HHAT: variants seen among roughly 807,000 people sequenced by gnomAD.
The protein encoded by HHAT is protein-cysteine N-palmitoyltransferase HHAT.
A neutral mutation model predicts 70.8 loss-of-function variants in HHAT; 47 were observed. The observed-to-expected ratio is 0.66, with a 90% CI of 0.53 to 0.85. The LOEUF (loss-of-function observed/expected upper bound fraction) is 0.85, where lower values mean the gene tolerates loss of function less well. HHAT is among the 40% of genes least tolerant of loss of function. The probability of loss-of-function intolerance (pLI) is 0.00; values close to 1 mark genes in which losing one functional copy is unlikely to be tolerated. For synonymous variants in HHAT, 228 were observed against 247.6 expected (o/e 0.92, Z 0.74); for missense variants, 609 against 604.8 (o/e 1.01, Z -0.07).
chr1:210,381,720 A>C, intron 3 of HHAT, among the ~76,000 whole-genome samples: 1 of 152,212 alleles, frequency 6.6e-6, no homozygotes, highest in East Asian at 1.9e-4. Flanking sequence ...CCATCTCACT[A>C]GGAGATAAAC....
At chr1:210,634,653 T>G (rs1396740754) in intron 11 of HHAT, among the ~76,000 whole-genome samples, 2 of 152,254 alleles carry the variant, frequency 1.3e-5, no homozygotes, top group African/African-American at 4.8e-5. Flanking sequence ...TTAACAAAAT[T>G]GTTCCTGATC....
At chr1:210,384,298 T>G (rs2090877108) in intron 3 of HHAT, among the ~76,000 whole-genome samples, 1 of 152,186 alleles carries the variant, frequency 6.6e-6, no homozygotes, top group Non-Finnish European at 1.5e-5. Context: ...GGAGGATGAC[T>G]GCTCTGTTGG....
chr1:210,528,112 C>G (rs1292055131), intron 9 of HHAT, among the ~76,000 whole-genome samples: 1 of 152,118 alleles, frequency 6.6e-6, no homozygotes. Flanking sequence ...AGGTGTTCAT[C>G]AGGTGATCAT....
chr1:210,618,791 A>T (rs1668265319), intron 10 of HHAT, among the ~76,000 whole-genome samples: 1 of 152,192 alleles, frequency 6.6e-6, no homozygotes, highest in African/African-American at 2.4e-5. Flanking sequence ...TGTGATTTCC[A>T]GGGAAAGGAT....
intron 9 of HHAT, among the ~76,000 whole-genome samples, chr1:210,567,136 G>A (rs1449089538): frequency 6.6e-6 from 1 of 152,196 alleles, no homozygotes; most frequent in Non-Finnish European, 1.5e-5. Flanking sequence ...CATCCTGTGA[G>A]GGGTGTCAGG....
intron 6 of HHAT, among the ~76,000 whole-genome samples, chr1:210,412,981 G>A (rs1243837120): frequency 6.6e-6 from 1 of 152,238 alleles, no homozygotes; most frequent in Non-Finnish European, 1.5e-5. Flanking sequence ...GACGGGGAGT[G>A]GGGAGCAGAG....
intron 1 of HHAT, among the ~76,000 whole-genome samples, chr1:210,334,201 G>C (rs61527622): frequency 3.3e-5 from 1 of 30,660 alleles, no homozygotes; most frequent in African/African-American, 1.5e-4. Context: ...TTTTTTTTGA[G>C]AAAGGGTCTT....
chr1:210,561,982 GT>G, intron 9 of HHAT, among the ~76,000 whole-genome samples: 1 of 152,320 alleles, frequency 6.6e-6, no homozygotes, highest in South Asian at 2.1e-4. Flanking sequence ...CATAGTAGAT[GT>G]TGAGTTAAAT....
At chr1:210,418,108 T>C in intron 6 of HHAT, 46 bp from the exon 7 acceptor site, 1 of 1,584,158 alleles carries the variant, frequency 6.3e-7, no homozygotes, top group Non-Finnish European at 8.7e-7. Flanking sequence ...GGGACTGTTT[T>C]AGGAATCAAG....
At chr1:210,353,830 C>T (rs774387864) in intron 2 of HHAT, among the ~76,000 whole-genome samples, 3 of 151,722 alleles carry the variant, frequency 2.0e-5, no homozygotes, top group Non-Finnish European at 4.4e-5. Context: ...TTGATTTTTG[C>T]CCTTATCTCA....
At chr1:210,523,389 CTG>C (rs2148612597) in intron 9 of HHAT, among the ~76,000 whole-genome samples, 1 of 152,282 alleles carries the variant, frequency 6.6e-6, no homozygotes, top group East Asian at 1.9e-4. Context: ...GCTGCCTTCT[CTG>C]TGCAGCCTTC....
At chr1:210,570,881 A>T (rs1464292243) in intron 9 of HHAT, among the ~76,000 whole-genome samples, 2 of 152,132 alleles carry the variant, frequency 1.3e-5, no homozygotes, top group African/African-American at 2.4e-5. Flanking sequence ...GGTTGCCCTG[A>T]TCAGTCCAGC....
intron 10 of HHAT, among the ~76,000 whole-genome samples, chr1:210,615,782 G>A (rs965962426): frequency 2.6e-5 from 4 of 152,244 alleles, no homozygotes; most frequent in Non-Finnish European, 5.9e-5. Flanking sequence ...GTTGCTGCCT[G>A]ATCGTTCCTC....
intron 3 of HHAT, among the ~76,000 whole-genome samples, chr1:210,379,567 T>G (rs901953431): frequency 1.3e-5 from 2 of 152,254 alleles, no homozygotes; most frequent in Non-Finnish European, 2.9e-5. Flanking sequence ...TCTAGAACTT[T>G]CTTCTTTCCT....
At chr1:210,465,945 A>C (rs1247927673) in intron 8 of HHAT, among the ~76,000 whole-genome samples, 4 of 50,876 alleles carry the variant, frequency 7.9e-5, no homozygotes, top group Non-Finnish European at 1.6e-4. Context: ...GCAAGGAATG[A>C]ATTGCAAGGA....
chr1:210,497,049 G>T lies in HHAT; in HGVS notation c.1008-16104G>T, dbSNP rs184930124. On this transcript the variant is annotated intron_variant, in intron 8 of 11. Transcript: ENST00000261458. The stretch of plus-strand genomic sequence containing the variant: ...GTTTGTGATAGCAGTTATACTTTTA[G>T]CTGATCTTTCTGCCTGTTTATTCTT... Among the ~76,000 whole-genome samples the T allele has an allele frequency of 3.0e-3, 458 of 152,306 alleles. 2 individuals carry two copies. The highest frequency in any genetic ancestry group is 0.024 in the Middle Eastern group (7 of 294).
chr1:210,451,404 C>G (rs887634622), intron 7 of HHAT, among the ~76,000 whole-genome samples: 3 of 152,120 alleles, frequency 2.0e-5, no homozygotes, highest in Non-Finnish European at 4.4e-5. Context: ...TGGAACATTA[C>G]CTTTGAAATT....
At chr1:210,583,551 A>T (rs1189469147) in intron 9 of HHAT, among the ~76,000 whole-genome samples, 1 of 152,230 alleles carries the variant, frequency 6.6e-6, no homozygotes, top group Non-Finnish European at 1.5e-5. Flanking sequence ...TAGAATTTGT[A>T]AAAGAAAATA....
At position 210,437,416 on chromosome 1, in the gene HHAT, G is replaced by A. The variant is rs73073785; in HGVS notation, c.856+19091G>A. ...AAGCAGATTCACATCGAGAATAAGG[G>A]ACGACTCTCTGGCCCCTCCAAAACA... On this transcript the variant is annotated intron_variant, in intron 7 of 11. Transcript: ENST00000261458. 1.9e-3 allele frequency among the ~76,000 whole-genome samples: 296 copies of A among 151,954 alleles called. 8 individuals carry two copies. Among genetic ancestry groups the A allele is most frequent in the African/African-American group, 7.0e-3 (290 of 41,218 alleles).
Sources: gnomAD v4.1 joint callset for allele counts (sites outside exome capture counted in the v4.1 genomes callset) on GRCh38, gnomAD v4.1.1 for gene constraint, MANE v1.5 for transcripts, NCBI Gene and HGNC (gene_info 2026-07-23, HGNC 2026-07-21) for gene names.